DNER: variants seen among roughly 807,000 people sequenced by gnomAD.
The protein encoded by DNER is delta/notch like EGF repeat containing, also known as delta and Notch-like epidermal growth factor-related receptor.
DNER carries 33 observed loss-of-function variants against 78.2 expected under a neutral mutation model. The ratio of observed to expected loss-of-function variants is 0.42; its 90% confidence interval spans 0.32 to 0.56. The LOEUF (loss-of-function observed/expected upper bound fraction) is 0.56, where lower values mean the gene tolerates loss of function less well. Among genes scored for constraint, DNER ranks in the 20% least tolerant of loss-of-function variants. The pLI is 0.11. For missense variants in DNER, 918 were observed against 975.3 expected, an observed-to-expected ratio of 0.94 and a Z score of 0.78; for synonymous variants, 417 against 384.8, an observed-to-expected ratio of 1.08 and a Z score of -0.98.
At chr2:229,468,237 C>T (rs1389271170) in intron 7 of DNER, among the ~76,000 whole-genome samples, 1 of 152,202 alleles carries the variant, frequency 6.6e-6, no homozygotes, top group Non-Finnish European at 1.5e-5. Context: ...GCTAATAGCC[C>T]TTTCCCAAAA....
At chr2:229,465,815 G>A (rs780678141) in intron 7 of DNER, among the ~76,000 whole-genome samples, 2 of 152,102 alleles carry the variant, frequency 1.3e-5, no homozygotes, top group Admixed American at 6.5e-5. Context: ...AGGAAAACAT[G>A]TCATCTGCAT....
At chr2:229,555,893 G>C (rs1376851740) in intron 4 of DNER, among the ~76,000 whole-genome samples, 7 of 151,954 alleles carry the variant, frequency 4.6e-5, no homozygotes, top group African/African-American at 1.7e-4. Flanking sequence ...ACACTTTTAC[G>C]CATAAAATAA....
intron 1 of DNER, among the ~76,000 whole-genome samples, chr2:229,659,373 C>T (rs150254197): frequency 1.0e-3 from 157 of 152,224 alleles, no homozygotes; most frequent in Non-Finnish European, 2.0e-3. Flanking sequence ...AAGCAAGTCC[C>T]CAACTCTGCA....
At chr2:229,425,350 C>T (rs1693850084) in intron 8 of DNER, among the ~76,000 whole-genome samples, 1 of 152,160 alleles carries the variant, frequency 6.6e-6, no homozygotes, top group Admixed American at 6.5e-5. Context: ...CCTCCAGCCA[C>T]ATGGTGAAGC....
At chr2:229,594,335 C>A (rs1015059762) in intron 1 of DNER, among the ~76,000 whole-genome samples, 5 of 152,090 alleles carry the variant, frequency 3.3e-5, no homozygotes, top group African/African-American at 9.7e-5. Flanking sequence ...ACGCCTGTAA[C>A]CCCAACACTT....
chr2:229,361,940 T>C (rs1692227193), intron 12 of DNER, among the ~76,000 whole-genome samples: 1 of 152,112 alleles, frequency 6.6e-6, no homozygotes, highest in South Asian at 2.1e-4. Context: ...TTAGTGTTCA[T>C]AGTAACATGT....
intron 1 of DNER, among the ~76,000 whole-genome samples, chr2:229,596,878 G>T (rs1239142997): frequency 6.8e-6 from 1 of 147,780 alleles, no homozygotes; most frequent in Admixed American, 6.7e-5. Flanking sequence ...ATTTCTAAGG[G>T]GATTCAAAGT....
At chr2:229,639,791 G>A (rs1214976403) in intron 1 of DNER, among the ~76,000 whole-genome samples, 15 of 152,298 alleles carry the variant, frequency 9.8e-5, no homozygotes. Context: ...CAAGATAGGA[G>A]CAAAAATCGG....
Position 229,393,256 on chromosome 2 carries a change from C to T in DNER, c.1724-4860G>A, listed in dbSNP as rs189743080. ...TAGCCTGGGCAACATGGCGAAACCCCGTCTCTACTAAAAATACAAAAATTA... is the reference window on the plus strand; with the variant it reads ...TAGCCTGGGCAACATGGCGAAACCCTGTCTCTACTAAAAATACAAAAATTA... On this transcript the variant is annotated intron_variant, in intron 10 of 12. Transcript: ENST00000341772. 5.1e-3 allele frequency among the ~76,000 whole-genome samples: 777 copies of T among 151,854 alleles called. 7 individuals carry two copies. Among genetic ancestry groups the T allele is most frequent in the African/African-American group, 0.017 (723 of 41,432 alleles).
chr2:229,518,790 T>C (rs759803753), intron 5 of DNER, among the ~76,000 whole-genome samples: 10 of 152,166 alleles, frequency 6.6e-5, no homozygotes, highest in Non-Finnish European at 1.2e-4. Flanking sequence ...TAATATGACA[T>C]CCACTATGAG....
chr2:229,498,467 G>A (rs1157243983), intron 6 of DNER, among the ~76,000 whole-genome samples: 2 of 152,074 alleles, frequency 1.3e-5, no homozygotes, highest in Non-Finnish European at 2.9e-5. Flanking sequence ...AAATCAGAAT[G>A]GAAGAAGTTA....
intron 7 of DNER, among the ~76,000 whole-genome samples, chr2:229,452,777 G>A (rs1340095119): frequency 6.6e-6 from 1 of 152,076 alleles, no homozygotes; most frequent in African/African-American, 2.4e-5. Context: ...ACAGGCACTT[G>A]CCACCACGCC....
chr2:229,425,705 T>A (rs1268240199), intron 8 of DNER, among the ~76,000 whole-genome samples: 1 of 152,154 alleles, frequency 6.6e-6, no homozygotes, highest in Non-Finnish European at 1.5e-5. Context: ...CACTCAAAAA[T>A]ATCCAAAACT....
At chr2:229,520,239 T>C (rs1296449905) in intron 5 of DNER, among the ~76,000 whole-genome samples, 2 of 152,336 alleles carry the variant, frequency 1.3e-5, no homozygotes, top group South Asian at 2.1e-4. Flanking sequence ...CTATCTCTGA[T>C]ATCCTGGGTT....
intron 1 of DNER, among the ~76,000 whole-genome samples, chr2:229,705,798 T>C (rs1025490138): frequency 6.6e-6 from 1 of 152,186 alleles, no homozygotes; most frequent in Non-Finnish European, 1.5e-5. Flanking sequence ...TTTCCAACCA[T>C]CCTGTCAATG....
intron 1 of DNER, among the ~76,000 whole-genome samples, chr2:229,607,259 A>T (rs912099748): frequency 4.6e-5 from 7 of 152,192 alleles, no homozygotes; most frequent in African/African-American, 1.7e-4. Flanking sequence ...TGATAAGAAG[A>T]CTTCTACTAA....
chr2:229,505,782 A>G (rs1032365322), intron 6 of DNER, among the ~76,000 whole-genome samples: 3 of 152,230 alleles, frequency 2.0e-5, no homozygotes, highest in Admixed American at 6.5e-5. Context: ...TCAATGTAAA[A>G]AGATATTATT....
In DNER at chr2:229,400,267, C is replaced by T. The variant is rs982235595; in HGVS notation, c.1723+6965G>A. 2.6e-5 allele frequency among the ~76,000 whole-genome samples: 4 copies of T among 152,054 alleles called. No individual in the cohort carries two copies. In the South Asian group the frequency reaches 8.3e-4, roughly 32 times the overall value. On this transcript the variant is annotated intron_variant, in intron 10 of 12. Coordinates refer to ENST00000341772, the MANE Select transcript of DNER (RefSeq NM_139072.4). Reference sequence around the variant, plus strand: ...AGCTTAATATAGACAAAGATAACTACATCATGCAATATTTATGGATAAGCA... The same window carrying T: ...AGCTTAATATAGACAAAGATAACTATATCATGCAATATTTATGGATAAGCA...
intron 1 of DNER, among the ~76,000 whole-genome samples, chr2:229,695,078 T>C (rs528505483): frequency 6.6e-6 from 1 of 152,292 alleles, no homozygotes; most frequent in East Asian, 1.9e-4. Context: ...TTTCCCCCTT[T>C]TGCTCAGTAC....
Sources: allele counts gnomAD v4.1 joint callset (sites outside exome capture counted in the v4.1 genomes callset), GRCh38; gene constraint gnomAD v4.1.1; transcripts MANE v1.5; gene names NCBI Gene and HGNC (gene_info 2026-07-23, HGNC 2026-07-21).